The following AFG2A variants were observed in gnomAD, a reference collection of about 807,000 sequenced individuals.
AFG2A encodes the protein ATPase family gene 2 protein homolog A.
At chr4:123,094,770 A>T in the AFG2A span, among the ~76,000 whole-genome samples, 1 of 152,042 alleles carries the variant, frequency 6.6e-6, no homozygotes, top group African/African-American at 2.4e-5. Flanking sequence ...GCTGGCTCTA[A>T]CACCTAGACC....
the AFG2A span, among the ~76,000 whole-genome samples, chr4:123,041,482 T>C: frequency 6.6e-6 from 1 of 151,948 alleles, no homozygotes; most frequent in South Asian, 2.1e-4. Flanking sequence ...TTTTAGACTA[T>C]GTATAATCTA....
the AFG2A span, among the ~76,000 whole-genome samples, chr4:122,977,186 G>A: frequency 6.6e-6 from 1 of 152,146 alleles, no homozygotes; most frequent in African/African-American, 2.4e-5. Context: ...GTGGCCGGTG[G>A]CACCTCTGCC....
chr4:123,131,523 T>C, the AFG2A span, among the ~76,000 whole-genome samples: 3 of 152,160 alleles, frequency 2.0e-5, no homozygotes, highest in Non-Finnish European at 4.4e-5. Flanking sequence ...CCAGTCCCTT[T>C]CTACTTTGTT....
chr4:123,287,368 A>C, the AFG2A span, among the ~76,000 whole-genome samples: 1 of 152,218 alleles, frequency 6.6e-6, no homozygotes, highest in South Asian at 2.1e-4. Context: ...CTACATGAAC[A>C]CATGAGCACA....
At chr4:123,304,022 A>C in the AFG2A span, among the ~76,000 whole-genome samples, 1 of 152,108 alleles carries the variant, frequency 6.6e-6, no homozygotes, top group African/African-American at 2.4e-5. Context: ...CTGTCCTCTG[A>C]AATACTACTC....
the AFG2A span, among the ~76,000 whole-genome samples, chr4:123,213,176 A>G: frequency 1.3e-5 from 2 of 152,130 alleles, no homozygotes; most frequent in African/African-American, 4.8e-5. Flanking sequence ...TATGTTACCA[A>G]TATTTGAAGT....
At chr4:123,004,125 T>C in the AFG2A span, among the ~76,000 whole-genome samples, 3 of 152,272 alleles carry the variant, frequency 2.0e-5, no homozygotes, top group Non-Finnish European at 2.9e-5. Flanking sequence ...GTGCAGGATG[T>C]AATCTCCTGG....
the AFG2A span, chr4:123,314,058 A>C: frequency 6.4e-7 from 1 of 1,552,550 alleles, no homozygotes; most frequent in African/African-American, 1.4e-5. Context: ...GGCTGCATAC[A>C]CTCTGAGAAA....
the AFG2A span, among the ~76,000 whole-genome samples, chr4:123,095,486 T>C: frequency 6.6e-6 from 1 of 152,120 alleles, no homozygotes; most frequent in South Asian, 2.1e-4. Flanking sequence ...AATAGTACTA[T>C]AAAGTTGTTT....
At chr4:123,002,755 A>G in the AFG2A span, among the ~76,000 whole-genome samples, 1 of 151,860 alleles carries the variant, frequency 6.6e-6, no homozygotes, top group Non-Finnish European at 1.5e-5. Context: ...CTTCATTTTA[A>G]CTTTGGTGAA....
the AFG2A span, among the ~76,000 whole-genome samples, chr4:122,978,848 G>T: frequency 6.6e-6 from 1 of 152,240 alleles, no homozygotes; most frequent in African/African-American, 2.4e-5. Flanking sequence ...CTTAACTTTG[G>T]TCTGAAATCA....
At chr4:122,934,757 A>T in the AFG2A span, 3 of 1,530,920 alleles carry the variant, frequency 2.0e-6, no homozygotes, top group Non-Finnish European at 2.6e-6. Flanking sequence ...TCTTCAGTTT[A>T]TTGCACCCAA....
chr4:123,252,620 T>C, the AFG2A span, among the ~76,000 whole-genome samples: 1 of 152,226 alleles, frequency 6.6e-6, no homozygotes, highest in Non-Finnish European at 1.5e-5. Flanking sequence ...TCTTTATTAA[T>C]CCCTTTTATT....
the AFG2A span, among the ~76,000 whole-genome samples, chr4:123,124,841 A>G: frequency 6.6e-6 from 1 of 152,216 alleles, no homozygotes; most frequent in Non-Finnish European, 1.5e-5. Flanking sequence ...ATGAATTGAA[A>G]TCTAACTTCG....
chr4:123,226,062 G>C, the AFG2A span, among the ~76,000 whole-genome samples: 7,041 of 152,154 alleles, frequency 0.046, 558 homozygotes, highest in African/African-American at 0.16. Flanking sequence ...CATTGATTTT[G>C]TATCCTGAGA....
the AFG2A span, among the ~76,000 whole-genome samples, chr4:123,304,880 C>G: frequency 6.6e-6 from 1 of 152,098 alleles, no homozygotes; most frequent in African/African-American, 2.4e-5. Context: ...CCAGCTTGGT[C>G]GCGTCTGATA....
the AFG2A span, among the ~76,000 whole-genome samples, chr4:123,026,266 G>T: frequency 7.2e-5 from 11 of 152,066 alleles, no homozygotes; most frequent in Non-Finnish European, 1.6e-4. Flanking sequence ...CTGGAGTGAG[G>T]ATTTGAACAG....
At chr4:122,959,932 G>C in the AFG2A span, among the ~76,000 whole-genome samples, 1 of 152,172 alleles carries the variant, frequency 6.6e-6, no homozygotes, top group African/African-American at 2.4e-5. Context: ...TCAACCCTTA[G>C]ATCTCACATT....
At chr4:123,048,309 T>A in the AFG2A span, among the ~76,000 whole-genome samples, 1 of 152,200 alleles carries the variant, frequency 6.6e-6, no homozygotes. Context: ...TCCAGCTTCG[T>A]TCTTTTAGCT....
Sources: gnomAD v4.1 joint callset for allele counts (sites outside exome capture counted in the v4.1 genomes callset) on GRCh38, gnomAD v4.1.1 for gene constraint, MANE v1.5 for transcripts, NCBI Gene and HGNC (gene_info 2026-07-23, HGNC 2026-07-21) for gene names.